NCAPD3: variants seen among roughly 807,000 people sequenced by gnomAD.
NCAPD3 encodes the protein non-SMC condensin II complex subunit D3.
A neutral mutation model predicts 182.9 loss-of-function variants in NCAPD3; 105 were observed. That is an observed-to-expected ratio of 0.57 (90% CI 0.49 to 0.68). NCAPD3 has a LOEUF of 0.68. Among genes scored for constraint, NCAPD3 ranks in the 30% least tolerant of loss-of-function variants. NCAPD3 has a pLI of 0.00. For synonymous variants in NCAPD3, 815 were observed against 679.9 expected (o/e 1.20, Z -3.09); for missense variants, 1,944 against 1,837.0 (o/e 1.06, Z -1.07).
chr11:134,225,365 C>A (rs770460078), upstream of NCAPD3: 2 of 1,612,066 alleles, frequency 1.2e-6, no homozygotes, highest in African/African-American at 2.7e-5. Context: ...CCCCCGGGAC[C>A]CCCTCCCCCA....
rs1943275435 is a variant in NCAPD3 at position 134,152,510 on chromosome 11, T to C, written c.*434A>G. On this transcript the variant is annotated 3_prime_UTR_variant, in exon 35 of 35. Coordinates refer to ENST00000534548, the MANE Select transcript of NCAPD3 (RefSeq NM_015261.3). ...CACTTTTTTAAAAAATTTGCACTTA[T>C]AAATAATAGAAAAAATATTAGAATC... 6.5e-6 allele frequency: 1 copy of C among 153,202 alleles called. No homozygotes were observed. Among genetic ancestry groups the C allele is most frequent in the Non-Finnish European group, 1.5e-5 (1 of 68,900 alleles). The allele number at this position is 153,202 out of a possible 1,614,324, so 9.5% of individuals were successfully genotyped here.
At chr11:134,194,630 G>A in intron 14 of NCAPD3, 35 bp downstream of exon 14, 1 of 1,474,268 alleles carries the variant, frequency 6.8e-7, no homozygotes, top group South Asian at 1.2e-5. Flanking sequence ...AGTTTTTAGT[G>A]CTTAAAAAAA....
rs371642178 is a variant in NCAPD3 at position 134,159,920 on chromosome 11, C to G, written c.3839G>C (p.Gly1280Ala). Reference sequence around the variant, plus strand: ...TGCCACAGGTGCCACCTCAGCACCTCCAGCCGTCCCGGCCACATCTGCATG... The same window carrying G: ...TGCCACAGGTGCCACCTCAGCACCTGCAGCCGTCCCGGCCACATCTGCATG... ...AKHADVAGTA[G>A]GAEVAPVAQV... The change falls in exon 29 of 35, where the codon GGA (glycine) becomes GCA (alanine). Residue 1280 changes from glycine to alanine, a missense_variant. Transcript: ENST00000534548. 6.2e-7 allele frequency: 1 copy of G among 1,613,430 alleles called. No individual in the cohort carries two copies. Among genetic ancestry groups the G allele is most frequent in the Non-Finnish European group, 8.5e-7 (1 of 1,180,014 alleles).
intron 27 of NCAPD3, among the ~76,000 whole-genome samples, chr11:134,165,285 G>A (rs1376412089): frequency 6.7e-6 from 1 of 150,138 alleles, no homozygotes; most frequent in Non-Finnish European, 1.5e-5. Flanking sequence ...ACTCGCTTGT[G>A]AGATGAACTT....
rs531031092 is a variant in NCAPD3, at chr11:134,208,953, TA to T, written c.795-3del. 8,883 of 1,251,678 alleles carry T rather than the reference TA, an allele frequency of 7.1e-3. No individual in the cohort carries two copies. Among genetic ancestry groups the T allele is most frequent in the Admixed American group, 0.011 (474 of 43,742 alleles). The allele number at this position is 1,251,678 out of a possible 1,614,324, so 77.5% of individuals were successfully genotyped here. The stretch of plus-strand genomic sequence containing the variant: ...ATGTATTTTGCTTGGTTAAGAGCTC[TA>T]AAAAAAAAAGACGAAATATTAGTTA... On this transcript the variant is annotated splice_polypyrimidine_tract_variant and splice_region_variant and intron_variant, in intron 6 of 34. Transcript: ENST00000534548.
chr11:134,225,403 T>C, upstream of NCAPD3: 1 of 1,556,846 alleles, frequency 6.4e-7, no homozygotes, highest in Non-Finnish European at 8.8e-7. Flanking sequence ...GGGAGCAGGG[T>C]GATTCAGGGC....
intron 15 of NCAPD3, 69 bp downstream of exon 15, chr11:134,193,947 T>A: frequency 6.7e-7 from 1 of 1,488,318 alleles, no homozygotes; most frequent in Non-Finnish European, 9.2e-7. Context: ...TAGCAGCAGG[T>A]AATTATTGTG....
At chr11:134,188,469 T>G (rs1254146598) in intron 16 of NCAPD3, among the ~76,000 whole-genome samples, 1 of 152,100 alleles carries the variant, frequency 6.6e-6, no homozygotes, top group East Asian at 1.9e-4. Flanking sequence ...TCTTTCGCTC[T>G]TCACAGTAAA....
chr11:134,161,115 G>GA (rs558739844), intron 28 of NCAPD3, among the ~76,000 whole-genome samples: 13 of 151,464 alleles, frequency 8.6e-5, no homozygotes, highest in East Asian at 3.9e-4. Context: ...GCCTTTATTG[G>GA]AAAAAAAATT....
Position 134,151,691 on chromosome 11 carries a change from T to G in NCAPD3, c.*1253A>C, listed in dbSNP as rs1262748600. On this transcript the variant is annotated 3_prime_UTR_variant, in exon 35 of 35. Transcript: ENST00000534548. ...GCTGTACACAGATGCTACAGACTTGTACTAACACACCGTAATTTGGCATTT... is the reference window on the plus strand; with the variant it reads ...GCTGTACACAGATGCTACAGACTTGGACTAACACACCGTAATTTGGCATTT... The G allele has an allele frequency of 6.6e-6, 1 of 152,252 alleles. No individual in the cohort carries two copies. The allele number at this position is 152,252 out of a possible 1,614,324, so 9.4% of individuals were successfully genotyped here. A position where few individuals can be genotyped will look rare whatever the true frequency, so the allele number is the denominator to read the frequency against.
chr11:134,174,904 G>C (rs925968642), intron 24 of NCAPD3, among the ~76,000 whole-genome samples: 3 of 152,094 alleles, frequency 2.0e-5, no homozygotes, highest in African/African-American at 7.2e-5. Context: ...CCAGAGAACA[G>C]ACTAACTTAA....
rs34393824 is a variant in NCAPD3, at chr11:134,192,780, G to A, written c.1954C>T (p.Arg652Trp). ...CCAGAGTGAAAATGACTGTGATGCC[G>A]GATGTTCTGCAGCAGCAGCTGGTCC... ...FLDQLLLQNI[R>W]HHSHFHSGDD... The change falls in exon 16 of 35, where the codon CGG becomes TGG. Residue 652 changes from arginine to tryptophan, a missense_variant. Arg to Trp is a moderately radical substitution (Grantham distance 101). This residue lies in a region of NCAPD3 where 1,803 missense variants were observed against 1,674.6 expected (regional missense o/e 1.08). Transcript: ENST00000534548. 129 of 1,614,166 alleles carry A rather than the reference G, an allele frequency of 8.0e-5. No homozygotes were observed. The highest frequency in any genetic ancestry group is 2.2e-4 in the East Asian group (10 of 44,882).
chr11:134,178,481 C>T (rs1311205774), intron 22 of NCAPD3, 153 bp downstream of exon 22: 1 of 530,148 alleles, frequency 1.9e-6, no homozygotes, highest in African/African-American at 1.9e-5. Flanking sequence ...CAGAGCTCAG[C>T]ACTCAGATCA....
chr11:134,161,012 A>C (rs1245190887), intron 28 of NCAPD3, among the ~76,000 whole-genome samples: 2 of 150,404 alleles, frequency 1.3e-5, no homozygotes, highest in African/African-American at 4.9e-5. Flanking sequence ...GGAAGTTTTT[A>C]TTTTTATCAT....
At chr11:134,191,870 A>G (rs1333434318) in intron 16 of NCAPD3, among the ~76,000 whole-genome samples, 2 of 152,346 alleles carry the variant, frequency 1.3e-5, no homozygotes, top group East Asian at 1.9e-4. Flanking sequence ...CACAGCCGGA[A>G]GGTGATTTTA....
chr11:134,185,329 A>C lies in NCAPD3; in HGVS notation c.2237+6T>G. On this transcript the variant is annotated splice_donor_region_variant and intron_variant, in intron 17 of 34. Transcript: ENST00000534548. ...GTCATTACTGGTTAAATTAGAAGAT[A>C]CAAACCTGCTGATTTTCTCCCAAGA... is the stretch of plus-strand genomic sequence containing the variant. 1 of 1,598,148 alleles carries C rather than the reference A, an allele frequency of 6.3e-7. No homozygotes were observed. The highest frequency in any genetic ancestry group is 1.1e-5 in the South Asian group (1 of 88,166).
chr11:134,203,955 A>G lies in NCAPD3; in HGVS notation c.1216-49T>C, dbSNP rs535060413. On this transcript the variant is annotated intron_variant, in intron 10 of 34. Transcript: ENST00000534548. ...TTGCCATCAGATAGGAGTAAGAACC[A>G]AAGAACCCTCCTCATTCAGACCTAG... The G allele has an allele frequency of 1.9e-6, 3 of 1,604,224 alleles. No individual in the cohort carries two copies. The East Asian group carries it at 6.7e-5, about 36-fold the overall frequency.
At position 134,204,824 on chromosome 11, in the gene NCAPD3, C is replaced by G. The variant is rs900186279; in HGVS notation, c.1089+75G>C. 6 of 800,424 alleles carry G rather than the reference C, an allele frequency of 7.5e-6. No individual in the cohort carries two copies. In the African/African-American group the frequency reaches 7.6e-5, roughly 10 times the overall value. 49.6% of individuals were successfully genotyped at this position (800,424 alleles called of 1,614,324 possible). ...ATTCCCAAGAACAAATACCCACACT[C>G]ACACACACACACACACATTTATCTT... is the stretch of plus-strand genomic sequence containing the variant. On this transcript the variant is annotated intron_variant, in intron 9 of 34. Transcript: ENST00000534548. This position sits in a 1 kb window ranked among gnomAD's most constrained non-coding sequence, Gnocchi z 4.3.
intron 22 of NCAPD3, chr11:134,178,115 C>G (rs536030047): frequency 9.2e-5 from 14 of 152,234 alleles, no homozygotes; most frequent in African/African-American, 3.1e-4. Context: ...TCAGTGTTTT[C>G]AAGATTAAAA....
Sources: allele counts gnomAD v4.1 joint callset (sites outside exome capture counted in the v4.1 genomes callset), GRCh38; gene constraint gnomAD v4.1.1; regional missense constraint gnomAD v4.1.1; non-coding constraint Gnocchi (gnomAD v3.1); transcripts MANE v1.5; gene names NCBI Gene and HGNC (gene_info 2026-07-23, HGNC 2026-07-21).